RIDA: variants seen among roughly 807,000 people sequenced by gnomAD.
The protein encoded by RIDA is reactive intermediate imine deaminase A, also known as 2-iminobutanoate/2-iminopropanoate deaminase.
In RIDA, 17 loss-of-function variants were observed where a neutral mutation model predicts 17.8. The observed-to-expected ratio is 0.96, with a 90% CI of 0.65 to 1.43. The LOEUF (loss-of-function observed/expected upper bound fraction) is 1.43. Ranked by LOEUF, RIDA falls within the 40% of genes most tolerant of loss-of-function variation. The pLI is 0.00. For synonymous variants in RIDA, 48 were observed against 55.7 expected, an observed-to-expected ratio of 0.86 and a Z score of 0.62; for missense variants, 158 against 161.7, an observed-to-expected ratio of 0.98 and a Z score of 0.12.
chr8:98,111,034 TATAA>T (rs1216835397), intron 1 of RIDA, among the ~76,000 whole-genome samples: 2 of 152,232 alleles, frequency 1.3e-5, no homozygotes, highest in African/African-American at 4.8e-5. Context: ...TAAGCCTCTT[TATAA>T]ATACTCGGGT....
chr8:98,116,558 G>C (rs1340147101), intron 1 of RIDA, among the ~76,000 whole-genome samples: 2 of 152,162 alleles, frequency 1.3e-5, no homozygotes, highest in Non-Finnish European at 2.9e-5. Flanking sequence ...GGAGAATGGG[G>C]AGTGAATGCT....
intron 5 of RIDA, 26 bp from the exon 6 acceptor site, chr8:98,102,930 T>C (rs748089201): frequency 1.3e-6 from 2 of 1,582,410 alleles, no homozygotes; most frequent in East Asian, 2.2e-5. Flanking sequence ...AAGAATTTGT[T>C]GTAATCATTT....
At chr8:98,104,109 G>T (rs1313412926) in intron 5 of RIDA, among the ~76,000 whole-genome samples, 1 of 144,468 alleles carries the variant, frequency 6.9e-6, no homozygotes. Context: ...TAAGAGACAA[G>T]GTCACACTGT....
chr8:98,107,899 A>G (rs767378015), intron 2 of RIDA, among the ~76,000 whole-genome samples: 1 of 152,110 alleles, frequency 6.6e-6, no homozygotes, highest in Non-Finnish European at 1.5e-5. Flanking sequence ...CCTCCCGAGT[A>G]GCTGGGACTA....
chr8:98,104,118 G>C (rs1230053866), intron 5 of RIDA, among the ~76,000 whole-genome samples: 1 of 136,608 alleles, frequency 7.3e-6, no homozygotes, highest in Non-Finnish European at 1.6e-5. Flanking sequence ...AGGTCACACT[G>C]TTACCCAGGC....
chr8:98,107,488 C>T (rs2063772210), intron 2 of RIDA, among the ~76,000 whole-genome samples: 1 of 152,168 alleles, frequency 6.6e-6, no homozygotes, highest in Non-Finnish European at 1.5e-5. Context: ...CACGACACTG[C>T]ACTCCAGCCT....
At position 98,102,745 on chromosome 8, in the gene RIDA, G is replaced by T; in HGVS notation, c.*97C>A. The T allele has an allele frequency of 1.3e-6, 1 of 799,758 alleles. No individual in the cohort carries two copies. Among genetic ancestry groups the T allele is most frequent in the Non-Finnish European group, 2.0e-6 (1 of 498,132 alleles). The allele number at this position is 799,758 out of a possible 1,614,324, so 49.5% of individuals were successfully genotyped here. A position where few individuals can be genotyped will look rare whatever the true frequency, so the allele number is the denominator to read the frequency against. Reference sequence around the variant, plus strand: ...CAGATATTTTCATCAAACTCACACTGTCATCAATTGTGAAAATTAAAAGGT... The same window carrying T: ...CAGATATTTTCATCAAACTCACACTTTCATCAATTGTGAAAATTAAAAGGT... On this transcript the variant is annotated 3_prime_UTR_variant, in exon 6 of 6. Coordinates refer to ENST00000254878, the MANE Select transcript of RIDA (RefSeq NM_005836.3).
intron 1 of RIDA, 120 bp from the exon 2 acceptor site, chr8:98,108,871 G>T: frequency 1.6e-6 from 1 of 607,716 alleles, no homozygotes; most frequent in Non-Finnish European, 2.9e-6. Flanking sequence ...CAGATACATT[G>T]GACTTCATGA....
intron 2 of RIDA, among the ~76,000 whole-genome samples, chr8:98,107,709 T>C (rs1358615391): frequency 6.6e-6 from 1 of 152,048 alleles, no homozygotes; most frequent in Non-Finnish European, 1.5e-5. Context: ...GCGATTCTTC[T>C]GCATCAGCCT....
chr8:98,113,043 G>C (rs1483599342), intron 1 of RIDA, among the ~76,000 whole-genome samples: 1 of 152,150 alleles, frequency 6.6e-6, no homozygotes, highest in African/African-American at 2.4e-5. Flanking sequence ...AAATTTAAAA[G>C]TGCACTGTTC....
In RIDA at chr8:98,106,334, C is replaced by T; in HGVS notation, c.172-8G>A. The T allele has an allele frequency of 1.9e-6, 3 of 1,613,166 alleles. No individual in the cohort carries two copies. The highest frequency in any genetic ancestry group is 2.2e-5 in the South Asian group (2 of 91,010). ...ACCCATGTTTTTAAGAGCCTGTGAA[C>T]CAAGCCAAGAAAGGCCTAAGTCACT... On this transcript the variant is annotated splice_region_variant and splice_polypyrimidine_tract_variant and intron_variant, in intron 2 of 5. Transcript: ENST00000254878.
At chr8:98,114,174 GA>G (rs10715342) in intron 1 of RIDA, among the ~76,000 whole-genome samples, 69,066 of 151,768 alleles carry the variant, frequency 0.46, 15,962 homozygotes, top group Admixed American at 0.51. Flanking sequence ...GTGACACAGC[GA>G]AACACTGTCT....
chr8:98,108,753 T>G lies in RIDA; in HGVS notation c.66-2A>C. 1 of 1,578,896 alleles carries G rather than the reference T, an allele frequency of 6.3e-7. No individual in the cohort carries two copies. Among genetic ancestry groups the G allele is most frequent in the Non-Finnish European group, 8.7e-7 (1 of 1,148,316 alleles). ...GTCCTGTCGACTAATACAGCTTGAC[T>G]GCAATAAACAGAAAGCTAGTGTATT... is the stretch of plus-strand genomic sequence containing the variant. On this transcript the variant is annotated splice_acceptor_variant, in intron 1 of 5. Transcript: ENST00000254878. LOFTEE classifies it high-confidence loss of function.
chr8:98,111,201 A>G (rs1051235789), intron 1 of RIDA, among the ~76,000 whole-genome samples: 4 of 152,262 alleles, frequency 2.6e-5, no homozygotes, highest in East Asian at 3.8e-4. Flanking sequence ...GATACCTGAA[A>G]AAAAGCCAAA....
chr8:98,102,775 T>C lies in RIDA; in HGVS notation c.*67A>G, dbSNP rs1815577227. ...CAATTGTGAAAATTAAAAGGTTAAT[T>C]AAGATGTTACATCAATTGTAAAAAT... On this transcript the variant is annotated 3_prime_UTR_variant, in exon 6 of 6. Coordinates refer to ENST00000254878, the MANE Select transcript of RIDA (RefSeq NM_005836.3). The C allele has an allele frequency of 9.4e-7, 1 of 1,063,280 alleles. No individual in the cohort carries two copies. Among genetic ancestry groups the C allele is most frequent in the African/African-American group, 1.6e-5 (1 of 62,904 alleles). 65.9% of individuals were successfully genotyped at this position (1,063,280 alleles called of 1,614,324 possible). A position where few individuals can be genotyped will look rare whatever the true frequency, so the allele number is the denominator to read the frequency against.
In RIDA at chr8:98,104,515, C is replaced by T. The variant is rs777699034; in HGVS notation, c.325G>A (p.Ala109Thr). 1.3e-6 allele frequency: 2 copies of T among 1,592,310 alleles called. No homozygotes were observed. The highest frequency in any genetic ancestry group is 1.7e-6 in the Non-Finnish European group (2 of 1,161,056). The change falls in exon 5 of 6, where the codon GCT (alanine) becomes ACT (threonine). Residue 109 changes from alanine to threonine, a missense_variant. Transcript: ENST00000254878. Reference sequence around the variant, plus strand: ...TTGGGTAAAGCAGCAACTTGGTAAGCAGCTCTAGCAGGAAAATTACTCTTG... The same window carrying T: ...TTGGGTAAAGCAGCAACTTGGTAAGTAGCTCTAGCAGGAAAATTACTCTTG... ...YFKSNFPARA[A>T]YQVAALPKGS...
In RIDA at chr8:98,115,407, A is replaced by AG. The variant is rs1159825100; in HGVS notation, c.65+1624_65+1625insC. Among the ~76,000 whole-genome samples, 4 of 107,088 alleles carry AG rather than the reference A, an allele frequency of 3.7e-5. No homozygotes were observed. The East Asian group carries it at 1.9e-3, about 50-fold the overall frequency. 70.3% of individuals were successfully genotyped at this position (107,088 alleles called of 152,430 possible). On this transcript the variant is annotated intron_variant, in intron 1 of 5. Transcript: ENST00000254878. Reference sequence around the variant, plus strand: ...TGCCTCCAAAAAAAAAAAAAAAAAAAAAAAAAAAGGGATAGTGCCCAATGC... The same window carrying AG: ...TGCCTCCAAAAAAAAAAAAAAAAAAAGAAAAAAAAGGGATAGTGCCCAATGC...
At chr8:98,106,425 C>T in intron 2 of RIDA, 99 bp from the exon 3 acceptor site, 1 of 1,063,456 alleles carries the variant, frequency 9.4e-7, no homozygotes, top group Non-Finnish European at 1.4e-6. Context: ...CCTTAAATAG[C>T]CTATGTTGCA....
intron 2 of RIDA, 70 bp from the exon 3 acceptor site, chr8:98,106,396 T>A (rs1815633165): frequency 5.3e-6 from 7 of 1,308,796 alleles, no homozygotes; most frequent in African/African-American, 1.5e-5. Flanking sequence ...ATTCAATTAA[T>A]CATCTTTTAC....
Sources: allele counts gnomAD v4.1 joint callset (sites outside exome capture counted in the v4.1 genomes callset), GRCh38; gene constraint gnomAD v4.1.1; transcripts MANE v1.5; gene names NCBI Gene and HGNC (gene_info 2026-07-23, HGNC 2026-07-21).